The following R3HDM2 variants were observed in gnomAD, a reference collection of about 807,000 sequenced individuals.
The protein encoded by R3HDM2 is R3H domain containing 2.
In R3HDM2, 38 loss-of-function variants were observed where a neutral mutation model predicts 124.5. That is an observed-to-expected ratio of 0.31 (90% confidence interval 0.24 to 0.40). The LOEUF (loss-of-function observed/expected upper bound fraction) is 0.40. R3HDM2 is among the 10% of genes least tolerant of loss of function. R3HDM2 has a pLI of 1.00. For missense variants in R3HDM2, 869 were observed against 1,236.9 expected (o/e 0.70, Z 4.46); for synonymous variants, 391 against 448.0 (o/e 0.87, Z 1.61).
At chr12:57,336,230 A>G (rs1242126428) in intron 2 of R3HDM2, among the ~76,000 whole-genome samples, 1 of 152,136 alleles carries the variant, frequency 6.6e-6, no homozygotes, top group African/African-American at 2.4e-5. Context: ...TCATTATGGA[A>G]AGCAGTATGA....
At chr12:57,395,444 G>A (rs182498333) in intron 2 of R3HDM2, among the ~76,000 whole-genome samples, 167 of 151,794 alleles carry the variant, frequency 1.1e-3, no homozygotes, top group Middle Eastern at 3.4e-3. Context: ...CGGAGGTTGC[G>A]GTGAGTTGAG....
chr12:57,281,160 G>A (rs1338560758), intron 13 of R3HDM2, among the ~76,000 whole-genome samples: 1 of 151,754 alleles, frequency 6.6e-6, no homozygotes, highest in Non-Finnish European at 1.5e-5. Context: ...GAGGGTGGGC[G>A]CCTGTAATCC....
intron 2 of R3HDM2, among the ~76,000 whole-genome samples, chr12:57,342,295 C>A (rs573582943): frequency 2.6e-5 from 4 of 152,100 alleles, no homozygotes; most frequent in African/African-American, 7.2e-5. Context: ...CCTCTTCCCC[C>A]ACCCACAGCC....
chr12:57,397,900 TGGGCCGGGCACAG>T (rs2067708547), intron 1 of R3HDM2, among the ~76,000 whole-genome samples: 1 of 152,184 alleles, frequency 6.6e-6, no homozygotes, highest in South Asian at 2.1e-4. Context: ...TGAAATACTG[TGGGCCGGGCACAG>T]TGGCTCACGC....
intron 1 of R3HDM2, among the ~76,000 whole-genome samples, chr12:57,417,473 T>TC (rs1484707956): frequency 2.0e-5 from 3 of 152,128 alleles, no homozygotes; most frequent in Non-Finnish European, 4.4e-5. Context: ...TAACCTAACT[T>TC]CCCTAAGCCT....
chr12:57,383,529 C>A (rs1011078771), intron 2 of R3HDM2, among the ~76,000 whole-genome samples: 1 of 151,398 alleles, frequency 6.6e-6, no homozygotes, highest in Non-Finnish European at 1.5e-5. Flanking sequence ...ATGGTGAAAC[C>A]CCATCTCTAC....
intron 2 of R3HDM2, among the ~76,000 whole-genome samples, chr12:57,384,398 C>G (rs978115709): frequency 6.6e-6 from 1 of 151,698 alleles, no homozygotes. Flanking sequence ...AGCCTATGTT[C>G]CTTGAGATTA....
chr12:57,371,724 G>A (rs755163740), intron 2 of R3HDM2, among the ~76,000 whole-genome samples: 14 of 152,128 alleles, frequency 9.2e-5, no homozygotes, highest in African/African-American at 2.4e-5. Flanking sequence ...CATCAGAAAA[G>A]CCAGTATAAC....
intron 14 of R3HDM2, among the ~76,000 whole-genome samples, chr12:57,275,978 G>A (rs560068448): frequency 6.6e-6 from 1 of 152,256 alleles, no homozygotes; most frequent in Non-Finnish European, 1.5e-5. Flanking sequence ...AGCACTTTGG[G>A]AGGCCAAGGC....
chr12:57,354,166 G>A (rs775099838), intron 2 of R3HDM2, among the ~76,000 whole-genome samples: 1 of 151,818 alleles, frequency 6.6e-6, no homozygotes, highest in Non-Finnish European at 1.5e-5. Flanking sequence ...ACCACGCCTG[G>A]TCTAATTTTT....
chr12:57,349,379 CAAAAA>C (rs1161831845), intron 2 of R3HDM2, among the ~76,000 whole-genome samples: 2 of 57,742 alleles, frequency 3.5e-5, no homozygotes, highest in African/African-American at 1.9e-4. Flanking sequence ...ACTCCGTCTC[CAAAAA>C]AAAAAAAAAA....
chr12:57,258,310 TTTTATTTATTTATTTATTTATTTA>T (rs201590705), intron 20 of R3HDM2, among the ~76,000 whole-genome samples, 173 bp from the exon 21 acceptor site: 3 of 145,016 alleles, frequency 2.1e-5, no homozygotes, highest in African/African-American at 7.6e-5. Context: ...ATTTATGCTA[TTTTATTTATTTATTTATTTATTTA>T]TTTATTTATT....
intron 2 of R3HDM2, among the ~76,000 whole-genome samples, chr12:57,370,408 GGC>G (rs1324262081): frequency 0.013 from 1,324 of 104,228 alleles, 136 homozygotes; most frequent in Admixed American, 0.015. Flanking sequence ...GGGGGGGGGG[GGC>G]GGGGTGGATC....
rs188805180 is a variant in R3HDM2 at position 57,307,339 on chromosome 12, G to A, written c.165+2925C>T. On this transcript the variant is annotated intron_variant, in intron 3 of 23. Transcript: ENST00000402412. ...GTTGTTGTTTTGTTTTGTTTTTTGA[G>A]ACGGGGTCTCACTCTGTCACCCAGG... 6.5e-3 allele frequency among the ~76,000 whole-genome samples: 990 copies of A among 151,954 alleles called. 13 individuals carry two copies. The highest frequency in any genetic ancestry group is 0.023 in the African/African-American group (938 of 41,448).
rs71084752 is a variant in R3HDM2, at chr12:57,421,450, CTTTTTTTT to C, written c.-106+9262_-106+9269del. On this transcript the variant is annotated intron_variant, in intron 1 of 23. Coordinates refer to ENST00000402412, the MANE Select transcript of R3HDM2 (RefSeq NM_001394031.1). ...CAGGCGTAAGCGACCACACCCAGCTCTTTTTTTTTTTTTTTTTTTTTTAAAGACAGGGT... is the reference window on the plus strand; with the variant it reads ...CAGGCGTAAGCGACCACACCCAGCTCTTTTTTTTTTTTTTAAAGACAGGGT... 2.7e-5 allele frequency among the ~76,000 whole-genome samples: 3 copies of C among 111,080 alleles called. 1 individual carries two copies. The highest frequency in any genetic ancestry group is 2.7e-4 in the East Asian group (1 of 3,678). 72.9% of individuals were successfully genotyped at this position (111,080 alleles called of 152,430 possible). A position where few individuals can be genotyped will look rare whatever the true frequency, so the allele number is the denominator to read the frequency against.
chr12:57,287,656 A>G (rs1006204413), intron 12 of R3HDM2, among the ~76,000 whole-genome samples: 9 of 152,238 alleles, frequency 5.9e-5, no homozygotes, highest in African/African-American at 1.9e-4. Flanking sequence ...TATCAAGTGT[A>G]GTAGTCAATA....
At chr12:57,408,815 G>C (rs1725042928) in intron 1 of R3HDM2, among the ~76,000 whole-genome samples, 1 of 150,874 alleles carries the variant, frequency 6.6e-6, no homozygotes, top group South Asian at 2.1e-4. Flanking sequence ...TGAGGGAGTG[G>C]GTTAGTTAAC....
At chr12:57,278,538 A>G (rs1335791510) in intron 14 of R3HDM2, among the ~76,000 whole-genome samples, 1 of 152,226 alleles carries the variant, frequency 6.6e-6, no homozygotes, top group Non-Finnish European at 1.5e-5. Flanking sequence ...AAAGCAAGTC[A>G]TACACATAAA....
intron 1 of R3HDM2, among the ~76,000 whole-genome samples, chr12:57,423,529 C>CT: frequency 6.6e-6 from 1 of 151,658 alleles, no homozygotes; most frequent in East Asian, 2.0e-4. Flanking sequence ...GCATTAGAAA[C>CT]TTTAAGTGGG....
Sources: allele counts gnomAD v4.1 joint callset (sites outside exome capture counted in the v4.1 genomes callset), GRCh38; gene constraint gnomAD v4.1.1; transcripts MANE v1.5; gene names NCBI Gene and HGNC (gene_info 2026-07-23, HGNC 2026-07-21).